Variants in ZNF107 observed in about 807,000 individuals in gnomAD.
ZNF107 encodes the protein C2H2 type zinc-finger protein.
ZNF107 carries 19 observed loss-of-function variants against 12.3 expected under a neutral mutation model. The observed-to-expected ratio is 1.55, with a 90% CI of 1.08 to 2.27. The LOEUF (loss-of-function observed/expected upper bound fraction) is 2.27. ZNF107 is among the 30% of genes most tolerant of loss of function. ZNF107 has a pLI of 0.00. For missense variants in ZNF107, 958 were observed against 979.9 expected, an observed-to-expected ratio of 0.98 and a Z score of 0.30; for synonymous variants, 317 against 330.5, an observed-to-expected ratio of 0.96 and a Z score of 0.44.
intron 1 of ZNF107, among the ~76,000 whole-genome samples, chr7:64,688,058 T>A (rs1024880091): frequency 6.6e-6 from 1 of 152,164 alleles, no homozygotes; most frequent in African/African-American, 2.4e-5. Flanking sequence ...TTTGGTGTTA[T>A]AGTCCTCTAC....
In ZNF107 at chr7:64,708,608, A is replaced by T; in HGVS notation, c.2511A>T (p.Lys837Asn). The T allele has an allele frequency of 5.0e-6, 8 of 1,595,818 alleles. 1 individual carries two copies. The highest frequency in any genetic ancestry group is 5.1e-6 in the Non-Finnish European group (6 of 1,168,500). The change falls in exon 4 of 4, where the codon AAA becomes AAT. Residue 837 changes from lysine (K) to asparagine (N), a missense_variant. By Grantham distance (94) the Lys-to-Asn change is moderately conservative. Coordinates refer to ENST00000620827, the MANE Select transcript of ZNF107 (RefSeq NM_001282359.2). ...CCTCAAATCTTACTACACATAAGAA[A>T]ATTCATACTGGAGAGAAACCCTACA... ...NLSSNLTTHK[K>N]IHTGEKPYKC...
intron 1 of ZNF107, among the ~76,000 whole-genome samples, chr7:64,673,429 G>T (rs1035070231): frequency 6.6e-6 from 1 of 152,142 alleles, no homozygotes; most frequent in Non-Finnish European, 1.5e-5. Flanking sequence ...TTTTAATAAG[G>T]TTGTTTGTGT....
chr7:64,705,250 A>G (rs893701240), intron 3 of ZNF107, among the ~76,000 whole-genome samples: 1 of 151,724 alleles, frequency 6.6e-6, no homozygotes, highest in Admixed American at 6.6e-5. Context: ...TGTGTATTCT[A>G]GTTTGTTGTC....
intron 1 of ZNF107, among the ~76,000 whole-genome samples, chr7:64,679,635 C>T (rs1789572279): frequency 6.6e-6 from 1 of 152,168 alleles, no homozygotes; most frequent in South Asian, 2.1e-4. Flanking sequence ...TCCATTCCTC[C>T]TCCTTGTCCT....
At chr7:64,693,301 C>T (rs1372918364) in intron 3 of ZNF107, among the ~76,000 whole-genome samples, 1 of 150,412 alleles carries the variant, frequency 6.6e-6, no homozygotes, top group African/African-American at 2.4e-5. Context: ...GCGTGAGCCA[C>T]CACGCCTGGC....
At chr7:64,689,775 A>C (rs1380753841) in intron 1 of ZNF107, 1 of 152,196 alleles carries the variant, frequency 6.6e-6, no homozygotes, top group Admixed American at 6.5e-5. Flanking sequence ...TCCAGAGCAG[A>C]ATTGTGTCAG....
chr7:64,682,818 CTCTT>C (rs1466767879), intron 1 of ZNF107, among the ~76,000 whole-genome samples: 3 of 152,168 alleles, frequency 2.0e-5, no homozygotes, highest in Non-Finnish European at 4.4e-5. Context: ...GCTTTATTCA[CTCTT>C]TATTTTAAAC....
chr7:64,670,921 C>G (rs1021177051), intron 1 of ZNF107, among the ~76,000 whole-genome samples: 1 of 152,102 alleles, frequency 6.6e-6, no homozygotes, highest in Non-Finnish European at 1.5e-5. Context: ...CTGATAGGCC[C>G]GTATGGTTTT....
intron 1 of ZNF107, among the ~76,000 whole-genome samples, chr7:64,675,250 G>T (rs530057143): frequency 3.9e-5 from 6 of 152,078 alleles, no homozygotes; most frequent in African/African-American, 1.4e-4. Context: ...TTGGTTGCTT[G>T]GCTATTTATT....
In ZNF107 at chr7:64,707,282, A is replaced by G; in HGVS notation, c.1185A>G (p.Lys395=). 1.2e-6 allele frequency: 2 copies of G among 1,613,028 alleles called. No homozygotes were observed. ...TAHKKILMEE[K]PYKCEECGKV... ...ATAAGAAAATTCTAATGGAAGAGAA[A>G]CCCTACAAATGTGAAGAATGTGGCA... The change falls in exon 4 of 4, where the codon AAA becomes AAG. Residue 395 remains lysine (K), a synonymous_variant. Transcript: ENST00000620827.
intron 1 of ZNF107, chr7:64,684,764 C>A: frequency 1.0e-6 from 1 of 973,376 alleles, no homozygotes; most frequent in Non-Finnish European, 1.2e-6. Flanking sequence ...AACTTCTTCC[C>A]AGATGAGACG....
At chr7:64,701,123 T>C (rs963760444) in intron 3 of ZNF107, among the ~76,000 whole-genome samples, 1 of 152,204 alleles carries the variant, frequency 6.6e-6, no homozygotes, top group Non-Finnish European at 1.5e-5. Context: ...TACTATTATA[T>C]AATATCAATC....
chr7:64,702,160 T>TA (rs1447820303), intron 3 of ZNF107, among the ~76,000 whole-genome samples: 3 of 152,024 alleles, frequency 2.0e-5, no homozygotes, highest in Non-Finnish European at 4.4e-5. Context: ...GTTTTATTTT[T>TA]TTTTTTGAGA....
At chr7:64,692,349 G>A (rs1051809437) in intron 3 of ZNF107, among the ~76,000 whole-genome samples, 3 of 152,050 alleles carry the variant, frequency 2.0e-5, no homozygotes, top group Non-Finnish European at 1.5e-5. Flanking sequence ...GTGAGTAGTG[G>A]TTTCTGTTCC....
intron 1 of ZNF107, among the ~76,000 whole-genome samples, chr7:64,675,254 A>G (rs1467402907): frequency 6.6e-6 from 1 of 152,002 alleles, no homozygotes; most frequent in Non-Finnish European, 1.5e-5. Flanking sequence ...TTGCTTGGCT[A>G]TTTATTAGTA....
At chr7:64,702,964 A>C (rs1790525212) in intron 3 of ZNF107, among the ~76,000 whole-genome samples, 1 of 152,118 alleles carries the variant, frequency 6.6e-6, no homozygotes, top group Non-Finnish European at 1.5e-5. Context: ...AAAATTTGGG[A>C]AGTTATCCGC....
chr7:64,687,615 G>T, intron 1 of ZNF107: 1 of 972,908 alleles, frequency 1.0e-6, no homozygotes, highest in Non-Finnish European at 1.2e-6. Flanking sequence ...AGTGTATTTT[G>T]TCATTGATTA....
intron 3 of ZNF107, among the ~76,000 whole-genome samples, chr7:64,694,484 T>G (rs4718102): frequency 0.36 from 54,478 of 151,150 alleles, 10,712 homozygotes; most frequent in South Asian, 0.53. Context: ...CACTTATTTT[T>G]TATTTATTTT....
intron 1 of ZNF107, among the ~76,000 whole-genome samples, chr7:64,670,426 T>C (rs554128920): frequency 5.9e-5 from 9 of 152,262 alleles, no homozygotes; most frequent in Admixed American, 1.3e-4. Flanking sequence ...TGGGGTTGTA[T>C]GTTGGCTCAG....
Sources: allele counts gnomAD v4.1 joint callset (sites outside exome capture counted in the v4.1 genomes callset), GRCh38; gene constraint gnomAD v4.1.1; transcripts MANE v1.5; gene names NCBI Gene and HGNC (gene_info 2026-07-23, HGNC 2026-07-21).